The following STIM2 variants were observed in gnomAD, a reference collection of about 807,000 sequenced individuals.
The protein encoded by STIM2 is stromal interaction molecule 2.
Under a neutral mutation model 85.8 loss-of-function variants are expected in STIM2, and 31 were observed. That is an observed-to-expected ratio of 0.36 (90% CI 0.27 to 0.49). The LOEUF (loss-of-function observed/expected upper bound fraction) is 0.49. STIM2 is among the 20% of genes least tolerant of loss of function. The probability of loss-of-function intolerance (pLI) is 0.98; values close to 1 mark genes in which losing one functional copy is unlikely to be tolerated. For synonymous variants in STIM2, 356 were observed against 331.1 expected (o/e 1.08, Z -0.82); for missense variants, 841 against 927.6 (o/e 0.91, Z 1.21).
chr4:26,990,548 A>G (rs1330113784), intron 3 of STIM2, among the ~76,000 whole-genome samples: 1 of 152,178 alleles, frequency 6.6e-6, no homozygotes, highest in Admixed American at 6.5e-5. Flanking sequence ...TTTTGGGTTA[A>G]GACCTGAAAA....
chr4:26,888,353 C>A (rs1370249410), intron 1 of STIM2, among the ~76,000 whole-genome samples: 3 of 152,088 alleles, frequency 2.0e-5, no homozygotes, highest in Non-Finnish European at 4.4e-5. Flanking sequence ...ATGCGGAGTC[C>A]CTGGGTAATG....
At chr4:26,964,368 A>G (rs1216227234) in intron 3 of STIM2, among the ~76,000 whole-genome samples, 1 of 152,192 alleles carries the variant, frequency 6.6e-6, no homozygotes, top group Non-Finnish European at 1.5e-5. Context: ...TTAGCATTTT[A>G]TCATCATTGC....
intron 1 of STIM2, among the ~76,000 whole-genome samples, chr4:26,882,454 T>TTTCTTTC (rs1553844658): frequency 0.024 from 3,560 of 149,584 alleles, 147 homozygotes; most frequent in African/African-American, 0.085. Flanking sequence ...TCTTTCTTTC[T>TTTCTTTC]TTTTTTTTGT....
chr4:26,864,866 A>G (rs1560547603), intron 1 of STIM2, among the ~76,000 whole-genome samples: 1 of 152,202 alleles, frequency 6.6e-6, no homozygotes, highest in East Asian at 1.9e-4. Context: ...GAAATACCTC[A>G]AATTAGCATG....
At chr4:26,892,306 A>G (rs900688269) in intron 1 of STIM2, among the ~76,000 whole-genome samples, 36 of 152,206 alleles carry the variant, frequency 2.4e-4, no homozygotes, top group Non-Finnish European at 1.5e-5. Flanking sequence ...ATCCAAGATC[A>G]AGGTGCTGGC....
chr4:26,974,754 T>A (rs887944036), intron 3 of STIM2, among the ~76,000 whole-genome samples: 2 of 152,198 alleles, frequency 1.3e-5, no homozygotes, highest in Admixed American at 6.5e-5. Context: ...TGTGGTGGTC[T>A]CTGTATTTCC....
chr4:26,952,279 GT>G (rs1726082118), intron 2 of STIM2, among the ~76,000 whole-genome samples: 1 of 152,038 alleles, frequency 6.6e-6, no homozygotes, highest in South Asian at 2.1e-4. Context: ...TGGGTTGTGA[GT>G]TTCAGTTAAG....
At chr4:26,962,080 G>C (rs900936058) in intron 3 of STIM2, among the ~76,000 whole-genome samples, 6 of 152,130 alleles carry the variant, frequency 3.9e-5, no homozygotes, top group Non-Finnish European at 7.4e-5. Flanking sequence ...AAATTTGCTA[G>C]AAGTGAAAGT....
At chr4:27,020,334 G>T (rs961049011) in intron 11 of STIM2, among the ~76,000 whole-genome samples, 10 of 152,170 alleles carry the variant, frequency 6.6e-5, no homozygotes, top group Non-Finnish European at 1.5e-4. Flanking sequence ...TCAATTAATG[G>T]ACAGCCATTC....
chr4:26,886,177 G>A (rs1382372310), intron 1 of STIM2, among the ~76,000 whole-genome samples: 2 of 152,034 alleles, frequency 1.3e-5, no homozygotes, highest in Non-Finnish European at 2.9e-5. Context: ...AACTAGGACA[G>A]TATATGAACT....
At chr4:26,883,928 T>G (rs1723113650) in intron 1 of STIM2, among the ~76,000 whole-genome samples, 1 of 152,244 alleles carries the variant, frequency 6.6e-6, no homozygotes, top group Non-Finnish European at 1.5e-5. Flanking sequence ...GCATTTATCT[T>G]AGTCTTTGAA....
chr4:26,999,402 T>G, intron 5 of STIM2, 55 bp downstream of exon 5: 2 of 1,095,216 alleles, frequency 1.8e-6, no homozygotes, highest in Non-Finnish European at 1.3e-6. Flanking sequence ...TGATCATCTC[T>G]GTGTTATTTA....
At chr4:26,935,050 T>C (rs959807458) in intron 2 of STIM2, among the ~76,000 whole-genome samples, 2 of 152,136 alleles carry the variant, frequency 1.3e-5, no homozygotes, top group East Asian at 1.9e-4. Context: ...TTTTAAAATA[T>C]CTTTTCCTAT....
Position 26,993,821 on chromosome 4 carries a change from A to G in STIM2, c.398-1558A>G, listed in dbSNP as rs144658778. On this transcript the variant is annotated intron_variant, in intron 3 of 11. Transcript: ENST00000467087. ...TTAGTATTACTACTTTCAGAGTAGT[A>G]TAAAGTTTTGTTCTGTGAACAGTTT... Among the ~76,000 whole-genome samples the G allele has an allele frequency of 3.2e-3, 485 of 152,286 alleles. 2 individuals carry two copies. The highest frequency in any genetic ancestry group is 0.011 in the African/African-American group (465 of 41,570).
At chr4:26,911,471 A>C (rs770896614) in intron 1 of STIM2, among the ~76,000 whole-genome samples, 1 of 152,144 alleles carries the variant, frequency 6.6e-6, no homozygotes, top group Non-Finnish European at 1.5e-5. Context: ...AGGAGTTTTC[A>C]CCAAAGGTCC....
intron 1 of STIM2, among the ~76,000 whole-genome samples, chr4:26,918,685 T>C (rs1174143170): frequency 6.6e-6 from 1 of 152,206 alleles, no homozygotes. Flanking sequence ...GGCAGTACTT[T>C]CCCATTTTGG....
intron 1 of STIM2, among the ~76,000 whole-genome samples, chr4:26,875,972 A>G (rs1224539504): frequency 1.3e-5 from 2 of 152,178 alleles, no homozygotes; most frequent in Non-Finnish European, 2.9e-5. Context: ...GTAGCTTATG[A>G]GATGTTTGAA....
chr4:26,909,872 G>A (rs1724267085), intron 1 of STIM2, among the ~76,000 whole-genome samples: 1 of 152,154 alleles, frequency 6.6e-6, no homozygotes, highest in South Asian at 2.1e-4. Flanking sequence ...AATGTTAGTA[G>A]CATGAGCTAG....
At chr4:26,971,821 T>C (rs926925187) in intron 3 of STIM2, among the ~76,000 whole-genome samples, 5 of 152,220 alleles carry the variant, frequency 3.3e-5, no homozygotes, top group African/African-American at 1.2e-4. Flanking sequence ...ATCTATAAAT[T>C]ACCTTGGGCA....
Sources: allele counts gnomAD v4.1 joint callset (sites outside exome capture counted in the v4.1 genomes callset), GRCh38; gene constraint gnomAD v4.1.1; transcripts MANE v1.5; gene names NCBI Gene and HGNC (gene_info 2026-07-23, HGNC 2026-07-21).